Variants in KLHL3 observed in about 807,000 individuals in gnomAD.
KLHL3 encodes the protein kelch-like protein 3.
Under a neutral mutation model 70.5 loss-of-function variants are expected in KLHL3, and 19 were observed. That is an observed-to-expected ratio of 0.27 (90% CI 0.19 to 0.40). The LOEUF is 0.40. Ranked by LOEUF, KLHL3 falls within the 10% of genes least tolerant of loss-of-function variation. The probability of loss-of-function intolerance (pLI) is 1.00; values close to 1 mark genes in which losing one functional copy is unlikely to be tolerated. For synonymous variants in KLHL3, 258 were observed against 290.3 expected, an observed-to-expected ratio of 0.89 and a Z score of 1.13; for missense variants, 512 against 771.1, an observed-to-expected ratio of 0.66 and a Z score of 3.98.
chr5:137,666,473 T>A (rs1447322773), intron 6 of KLHL3, among the ~76,000 whole-genome samples: 1 of 152,192 alleles, frequency 6.6e-6, no homozygotes, highest in African/African-American at 2.4e-5. Flanking sequence ...AGGTAACTGA[T>A]TGGCAAAGCT....
intron 2 of KLHL3, among the ~76,000 whole-genome samples, chr5:137,714,879 C>T (rs1007871629): frequency 1.3e-5 from 2 of 151,548 alleles, no homozygotes; most frequent in African/African-American, 4.8e-5. Flanking sequence ...AGTGACAGAC[C>T]ATCAAAAAAA....
intron 14 of KLHL3, among the ~76,000 whole-genome samples, chr5:137,625,271 T>C (rs1295705767): frequency 2.0e-5 from 3 of 152,278 alleles, no homozygotes; most frequent in Non-Finnish European, 4.4e-5. Flanking sequence ...GCTTTGCCAG[T>C]TCTCACCAGT....
chr5:137,637,732 C>T (rs1750806540), intron 10 of KLHL3, among the ~76,000 whole-genome samples: 1 of 152,194 alleles, frequency 6.6e-6, no homozygotes, highest in South Asian at 2.1e-4. Flanking sequence ...AACACCTATT[C>T]CAATCCCCTT....
intron 8 of KLHL3, among the ~76,000 whole-genome samples, chr5:137,657,356 G>A (rs1184746799): frequency 1.3e-5 from 2 of 152,134 alleles, no homozygotes; most frequent in African/African-American, 4.8e-5. Flanking sequence ...CCTTCCCCCA[G>A]ACATCAGCAT....
intron 14 of KLHL3, among the ~76,000 whole-genome samples, chr5:137,623,122 C>T (rs1750363799): frequency 1.3e-5 from 2 of 152,208 alleles, no homozygotes; most frequent in East Asian, 1.9e-4. Context: ...AGCCCCCAGG[C>T]CAACCTTGGA....
chr5:137,622,718 T>G (rs1016107674), intron 14 of KLHL3, among the ~76,000 whole-genome samples: 1 of 152,226 alleles, frequency 6.6e-6, no homozygotes, highest in Admixed American at 6.5e-5. Flanking sequence ...TGATAAATGC[T>G]CCAGACATGT....
At chr5:137,681,362 T>G (rs1752021289) in intron 5 of KLHL3, among the ~76,000 whole-genome samples, 1 of 152,140 alleles carries the variant, frequency 6.6e-6, no homozygotes, top group Admixed American at 6.6e-5. Flanking sequence ...ACAAGCAAGA[T>G]AAGACAAGGC....
intron 4 of KLHL3, 137 bp from the exon 5 acceptor site, chr5:137,692,584 C>G: frequency 1.3e-6 from 1 of 762,620 alleles, no homozygotes; most frequent in Non-Finnish European, 2.2e-6. Flanking sequence ...AACTTCCTAG[C>G]CTGCTTTCCA....
At chr5:137,713,982 G>T (rs139316656) in intron 2 of KLHL3, among the ~76,000 whole-genome samples, 1 of 151,454 alleles carries the variant, frequency 6.6e-6, no homozygotes, top group Non-Finnish European at 1.5e-5. Context: ...CCATTAACTC[G>T]TCATTTAGCA....
chr5:137,724,601 A>G (rs953875183), intron 1 of KLHL3, among the ~76,000 whole-genome samples: 1 of 152,190 alleles, frequency 6.6e-6, no homozygotes, highest in Non-Finnish European at 1.5e-5. Flanking sequence ...TGGCTAGGGA[A>G]AGACATCAGT....
At chr5:137,706,429 A>G in intron 3 of KLHL3, 1 of 971,662 alleles carries the variant, frequency 1.0e-6, no homozygotes, top group African/African-American at 1.8e-5. Flanking sequence ...TTAAAAATAT[A>G]TAAATCTTAG....
Position 137,674,238 on chromosome 5 carries a change from A to G in KLHL3, c.636+3307T>C, listed in dbSNP as rs182233269. Among the ~76,000 whole-genome samples the G allele has an allele frequency of 2.0e-5, 3 of 152,232 alleles. No individual in the cohort carries two copies. The East Asian group carries it at 5.8e-4, about 29-fold the overall frequency. On this transcript the variant is annotated intron_variant, in intron 6 of 14. Transcript: ENST00000309755. ...GGGAGGTTCTTTTATTCGTCCTTTC[A>G]ACAGCTATTTTTTTAGTGTCTACCA...
intron 6 of KLHL3, among the ~76,000 whole-genome samples, chr5:137,662,286 A>C (rs896513840): frequency 7.6e-6 from 1 of 130,756 alleles, no homozygotes; most frequent in Non-Finnish European, 1.7e-5. Context: ...CACACACACA[A>C]GGACAAACCT....
intron 12 of KLHL3, 67 bp downstream of exon 12, chr5:137,633,969 AC>A: frequency 6.2e-7 from 1 of 1,605,096 alleles, no homozygotes; most frequent in Non-Finnish European, 8.5e-7. Flanking sequence ...CTAAAATAAA[AC>A]AAAAAAATTT....
At position 137,637,370 on chromosome 5, in the gene KLHL3, G is replaced by A. The variant is rs1750794648; in HGVS notation, c.1245C>T (p.Ser415=). ...CAAAGAACCACTCGTTGGTCTTGTA[G>A]CTGTAGGCTTCCACCGATGCTAGGC... ...STGLASVEAY[S]YKTNEWFFVA... The change falls in exon 11 of 15, where the codon AGC becomes AGT. Residue 415 remains serine, a synonymous_variant. Coordinates refer to ENST00000309755, the MANE Select transcript of KLHL3 (RefSeq NM_017415.3). 1.2e-6 allele frequency: 2 copies of A among 1,613,980 alleles called. No individual in the cohort carries two copies. Among genetic ancestry groups the A allele is most frequent in the Non-Finnish European group, 1.7e-6 (2 of 1,179,858 alleles).
intron 4 of KLHL3, among the ~76,000 whole-genome samples, chr5:137,697,025 C>A (rs1323936210): frequency 2.0e-5 from 3 of 152,170 alleles, no homozygotes; most frequent in African/African-American, 7.2e-5. Context: ...CCCAGTGCCT[C>A]CATGCTCATC....
rs768636585 is a variant in KLHL3, at chr5:137,625,899, G to A, written c.1592-3C>T. The A allele has an allele frequency of 3.1e-6, 5 of 1,614,038 alleles. No homozygotes were observed. Among genetic ancestry groups the A allele is most frequent in the Middle Eastern group, 3.3e-4 (2 of 6,062 alleles). ...GAGCCCATTTACTGCACAGACCCCT[G>A]TGAGTCAAACAAAAGCCATGGGAGA... On this transcript the variant is annotated splice_polypyrimidine_tract_variant and splice_region_variant and intron_variant, in intron 13 of 14. Transcript: ENST00000309755.
At chr5:137,646,039 C>T (rs1561589052) in intron 8 of KLHL3, among the ~76,000 whole-genome samples, 1 of 152,004 alleles carries the variant, frequency 6.6e-6, no homozygotes, top group Non-Finnish European at 1.5e-5. Flanking sequence ...ACACATTTGA[C>T]AAGGTGTTAA....
At chr5:137,735,495 G>A in intron 1 of KLHL3, 138 bp downstream of exon 1, 1 of 723,692 alleles carries the variant, frequency 1.4e-6, no homozygotes, top group South Asian at 1.5e-5. Flanking sequence ...CTCTTGTTCT[G>A]GCGCCCTTTA....
Sources: gnomAD v4.1 joint callset for allele counts (sites outside exome capture counted in the v4.1 genomes callset) on GRCh38, gnomAD v4.1.1 for gene constraint, MANE v1.5 for transcripts, NCBI Gene and HGNC (gene_info 2026-07-23, HGNC 2026-07-21) for gene names.